PSD3: variants seen among roughly 807,000 people sequenced by gnomAD.
The protein encoded by PSD3 is pleckstrin and Sec7 domain containing 3, also known as PH and SEC7 domain-containing protein 3.
A neutral mutation model predicts 105.5 loss-of-function variants in PSD3; 49 were observed. The ratio of observed to expected loss-of-function variants is 0.46; its 90% confidence interval spans 0.37 to 0.59. The LOEUF (loss-of-function observed/expected upper bound fraction) is 0.59. Ranked by LOEUF, PSD3 falls within the 20% of genes least tolerant of loss-of-function variation. The pLI, the probability that PSD3 is intolerant of heterozygous loss-of-function variation, is 0.00. For missense variants in PSD3, 1,561 were observed against 1,263.8 expected, an observed-to-expected ratio of 1.24 and a Z score of -3.57; for synonymous variants, 557 against 457.8, an observed-to-expected ratio of 1.22 and a Z score of -2.77.
chr8:18,562,586 C>G (rs1801462677), intron 14 of PSD3, among the ~76,000 whole-genome samples: 2 of 152,116 alleles, frequency 1.3e-5, no homozygotes, highest in Non-Finnish European at 2.9e-5. Context: ...GCTCCAAATT[C>G]CACTCAAAAC....
In PSD3 at chr8:18,534,030, G is replaced by C. The variant is rs546492777; in HGVS notation, c.*1713C>G. 2.0e-5 allele frequency: 3 copies of C among 152,138 alleles called. No individual in the cohort carries two copies. In the South Asian group the frequency reaches 6.2e-4, roughly 32 times the overall value. 9.4% of individuals were successfully genotyped at this position (152,138 alleles called of 1,614,324 possible). A position where few individuals can be genotyped will look rare whatever the true frequency, so the allele number is the denominator to read the frequency against. ...AATAGTCATGGACATTTACAGAGGG[G>C]AAGGAAGTAAACGTTAATAAATAAT... On this transcript the variant is annotated 3_prime_UTR_variant, in exon 16 of 16. Coordinates refer to ENST00000327040, the MANE Select transcript of PSD3 (RefSeq NM_015310.4).
Position 18,969,128 on chromosome 8 carries a change from T to C in PSD3, c.22-32986A>G, listed in dbSNP as rs1215489662. ...ATAAAACATATTAACTTAATAAACA[T>C]TTCTTGAGGGGAAGGAGGTAATATT... On this transcript the variant is annotated intron_variant, in intron 1 of 15. Coordinates refer to ENST00000327040, the MANE Select transcript of PSD3 (RefSeq NM_015310.4). Among the ~76,000 whole-genome samples the C allele has an allele frequency of 2.0e-5, 3 of 152,154 alleles. No homozygotes were observed. The East Asian group carries it at 5.8e-4, about 29-fold the overall frequency.
At chr8:18,865,274 ATATATATATATATTTTTTTTTT>A (rs1816827200) in intron 4 of PSD3, 28 of 2,058 alleles carry the variant, frequency 0.014, 4 homozygotes, top group African/African-American at 0.049. Flanking sequence ...ATATATATAT[ATATATATATATATTTTTTTTTT>A]TTTTTTTTTT....
At chr8:18,980,368 T>C (rs1157375807) in intron 1 of PSD3, among the ~76,000 whole-genome samples, 1 of 152,224 alleles carries the variant, frequency 6.6e-6, no homozygotes, top group African/African-American at 2.4e-5. Context: ...GCTTATCTTA[T>C]GGTCACCTCT....
At chr8:18,807,675 G>A (rs1327597586) in intron 4 of PSD3, among the ~76,000 whole-genome samples, 1 of 152,146 alleles carries the variant, frequency 6.6e-6, no homozygotes, top group Non-Finnish European at 1.5e-5. Context: ...AACATGTATG[G>A]TAACCCTCAA....
At chr8:18,670,248 A>G (rs1212773226) in intron 9 of PSD3, among the ~76,000 whole-genome samples, 1 of 152,132 alleles carries the variant, frequency 6.6e-6, no homozygotes, top group East Asian at 1.9e-4. Flanking sequence ...GGTCTGAGAA[A>G]CCCAGCGGGG....
At chr8:18,985,044 G>A (rs376805597) in intron 1 of PSD3, among the ~76,000 whole-genome samples, 13 of 152,222 alleles carry the variant, frequency 8.5e-5, no homozygotes, top group African/African-American at 2.2e-4. Context: ...AGCGATTCTC[G>A]TGTCTCAGTC....
intron 10 of PSD3, among the ~76,000 whole-genome samples, chr8:18,634,410 T>A (rs1484139073): frequency 2.0e-5 from 3 of 152,176 alleles, no homozygotes; most frequent in Admixed American, 6.6e-5. Context: ...CTTCTCCTAA[T>A]ATTAACATCT....
rs541877512 is a variant in PSD3 at position 18,791,186 on chromosome 8, T to C, written c.2082+8109A>G. 2.0e-4 allele frequency among the ~76,000 whole-genome samples: 30 copies of C among 152,272 alleles called. No homozygotes were observed. The South Asian group carries it at 3.9e-3, about 20-fold the overall frequency. ...TTTATAGATTCAATGCTATCCCCAT[T>C]AAACTACCATTGACCTTCTTCATTT... On this transcript the variant is annotated intron_variant, in intron 8 of 15. Transcript: ENST00000327040.
rs1799641022 is a variant in PSD3, at chr8:18,531,727, A to G, written c.*4016T>C. The G allele has an allele frequency of 6.6e-6, 1 of 152,240 alleles. No homozygotes were observed. The allele number at this position is 152,240 out of a possible 1,614,324, so 9.4% of individuals were successfully genotyped here. The stretch of plus-strand genomic sequence containing the variant: ...AAAAGCAGATACTATTTAAACTCCA[A>G]CTTGGACAATTCCTCATAAACTAGA... On this transcript the variant is annotated 3_prime_UTR_variant, in exon 16 of 16. Transcript: ENST00000327040.
chr8:18,973,872 T>C (rs1181357357), intron 1 of PSD3, among the ~76,000 whole-genome samples: 1 of 152,188 alleles, frequency 6.6e-6, no homozygotes, highest in Non-Finnish European at 1.5e-5. Context: ...GCTGATCAAA[T>C]CTTTCTGTCC....
chr8:18,986,586 G>GA (rs964652842), intron 1 of PSD3, among the ~76,000 whole-genome samples: 18 of 146,908 alleles, frequency 1.2e-4, no homozygotes, highest in African/African-American at 2.0e-4. Flanking sequence ...TTCAATGTTT[G>GA]AAAAAAAAAA....
intron 2 of PSD3, among the ~76,000 whole-genome samples, chr8:18,934,614 T>C (rs1821986614): frequency 6.6e-6 from 1 of 152,094 alleles, no homozygotes; most frequent in African/African-American, 2.4e-5. Flanking sequence ...GACTCTAAGA[T>C]CTTTATAAAT....
chr8:18,853,282 C>T (rs1815739448), intron 4 of PSD3, among the ~76,000 whole-genome samples: 1 of 152,110 alleles, frequency 6.6e-6, no homozygotes, highest in South Asian at 2.1e-4. Context: ...CCAATGTTAC[C>T]AATGCATACC....
intron 14 of PSD3, among the ~76,000 whole-genome samples, chr8:18,561,116 C>A (rs1801372455): frequency 6.6e-6 from 1 of 152,166 alleles, no homozygotes; most frequent in African/African-American, 2.4e-5. Context: ...AAATCAGTAT[C>A]TCAAAAAGAT....
At chr8:18,979,912 A>G (rs554117223) in intron 1 of PSD3, 1 of 152,362 alleles carries the variant, frequency 6.6e-6, no homozygotes, top group South Asian at 2.1e-4. Context: ...CAAATCATTG[A>G]AAGGTGGAAC....
intron 4 of PSD3, among the ~76,000 whole-genome samples, chr8:18,814,993 A>C (rs955631691): frequency 1.3e-5 from 2 of 152,210 alleles, no homozygotes; most frequent in Admixed American, 6.5e-5. Flanking sequence ...GTTTATGTTA[A>C]AGAGCTGGGT....
intron 9 of PSD3, among the ~76,000 whole-genome samples, chr8:18,750,195 G>T (rs918308304): frequency 2.0e-5 from 3 of 152,154 alleles, no homozygotes; most frequent in Non-Finnish European, 4.4e-5. Flanking sequence ...GGAATTGGTG[G>T]GTTCTTGGTC....
rs118103545 is a variant in PSD3, at chr8:18,914,750, T to C, written c.130+21284A>G. On this transcript the variant is annotated intron_variant, in intron 2 of 15. Transcript: ENST00000327040. ...TGGAAAGATATCCCATGTTCAAGGATTGAAAGAATTGTTAAAATGTCCCTA... is the reference window on the plus strand; with the variant it reads ...TGGAAAGATATCCCATGTTCAAGGACTGAAAGAATTGTTAAAATGTCCCTA... 3.7e-3 allele frequency among the ~76,000 whole-genome samples: 559 copies of C among 152,298 alleles called. 13 individuals are homozygous for C. In the East Asian group the frequency reaches 0.052, roughly 14 times the overall value.
Sources: allele counts gnomAD v4.1 joint callset (sites outside exome capture counted in the v4.1 genomes callset), GRCh38; gene constraint gnomAD v4.1.1; transcripts MANE v1.5; gene names NCBI Gene and HGNC (gene_info 2026-07-23, HGNC 2026-07-21).